Variants in FNTB observed in about 807,000 individuals in gnomAD.
FNTB encodes the protein farnesyltransferase, CAAX box, subunit beta.
FNTB carries 27 observed loss-of-function variants against 59.4 expected under a neutral mutation model. The observed-to-expected ratio is 0.45, with a 90% confidence interval of 0.34 to 0.63. The LOEUF (loss-of-function observed/expected upper bound fraction) is 0.63. Among genes scored for constraint, FNTB ranks in the 20% least tolerant of loss-of-function variants. The pLI, the probability that FNTB is intolerant of heterozygous loss-of-function variation, is 0.02. For synonymous variants in FNTB, 230 were observed against 220.7 expected, an observed-to-expected ratio of 1.04 and a Z score of -0.37; for missense variants, 449 against 559.6, an observed-to-expected ratio of 0.80 and a Z score of 1.99.
Position 65,032,582 on chromosome 14 carries a change from A to G in FNTB, c.606-28A>G, listed in dbSNP as rs1479372074. ...CCTCATTAGCTCTTCCGTAGAGCTTAATGTGTTTCCCGTTTCTGTCTTTCC... is the reference window on the plus strand; with the variant it reads ...CCTCATTAGCTCTTCCGTAGAGCTTGATGTGTTTCCCGTTTCTGTCTTTCC... On this transcript the variant is annotated intron_variant, in intron 6 of 11. Coordinates refer to ENST00000246166, the MANE Select transcript of FNTB (RefSeq NM_002028.4). The surrounding 1 kb of genome is among the most constrained non-coding windows in gnomAD (Gnocchi z 5.0). 1 of 1,611,108 alleles carries G rather than the reference A, an allele frequency of 6.2e-7. No homozygotes were observed. Among genetic ancestry groups the G allele is most frequent in the Non-Finnish European group, 8.5e-7 (1 of 1,179,334 alleles).
Position 65,023,945 on chromosome 14 carries a change from T to C in FNTB, c.375-3508T>C, listed in dbSNP as rs979063897. ...GTGAAACCCTGACTCTACTAAAAAA[T>C]ACAAAAATTAGCTGGGCGTGGCGGC... On this transcript the variant is annotated intron_variant, in intron 4 of 11. Transcript: ENST00000246166. This position sits in a 1 kb window ranked among gnomAD's most constrained non-coding sequence, Gnocchi z 4.1. Among the ~76,000 whole-genome samples, 1 of 151,794 alleles carries C rather than the reference T, an allele frequency of 6.6e-6. No homozygotes were observed. Among genetic ancestry groups the C allele is most frequent in the African/African-American group, 2.4e-5 (1 of 41,328 alleles).
chr14:65,040,196 C>A (rs2062312781), intron 7 of FNTB, among the ~76,000 whole-genome samples: 1 of 151,546 alleles, frequency 6.6e-6, no homozygotes, highest in Non-Finnish European at 1.5e-5. Context: ...AATAAAAGAT[C>A]ACTAGAATCA....
At chr14:64,992,800 TG>T (rs1257920675) in intron 1 of FNTB, among the ~76,000 whole-genome samples, 1 of 152,124 alleles carries the variant, frequency 6.6e-6, no homozygotes, top group Non-Finnish European at 1.5e-5. Flanking sequence ...TATATATTTG[TG>T]GTCACTGCAA....
At chr14:65,039,931 G>A (rs72728261) in intron 7 of FNTB, among the ~76,000 whole-genome samples, 13,568 of 152,266 alleles carry the variant, frequency 0.089, 844 homozygotes, top group Admixed American at 0.16. Context: ...GCCCATGCCT[G>A]TCATCCCAAC....
At chr14:65,034,188 T>G (rs1230844996) in intron 7 of FNTB, among the ~76,000 whole-genome samples, 1 of 152,194 alleles carries the variant, frequency 6.6e-6, no homozygotes, top group Non-Finnish European at 1.5e-5. Flanking sequence ...GAGTTGCCCC[T>G]TCTGGAGCCC....
rs746797536 is a variant in FNTB at position 65,007,035 on chromosome 14, G to A, written c.209+2722G>A. ...AGTTTCAGGAATTTCACAATTACCC[G>A]TTTTTATCATTGTTGCCTATGAAAT... On this transcript the variant is annotated intron_variant, in intron 2 of 11. Coordinates refer to ENST00000246166, the MANE Select transcript of FNTB (RefSeq NM_002028.4). The surrounding 1 kb of genome is among the most constrained non-coding windows in gnomAD (Gnocchi z 4.9). Among the ~76,000 whole-genome samples the A allele has an allele frequency of 9.2e-5, 14 of 152,230 alleles. No homozygotes were observed. In the East Asian group the frequency reaches 9.6e-4, roughly 10 times the overall value.
At chr14:65,043,828 CAAAAAAAAAAAAAAAAAAAA>C (rs749243788) in intron 8 of FNTB, among the ~76,000 whole-genome samples, 46 of 64,244 alleles carry the variant, frequency 7.2e-4, no homozygotes, top group Non-Finnish European at 1.3e-3. Context: ...GACTCCGTCT[CAAAAAAAAAAAAAAAAAAAA>C]AAAAAAAAAA....
chr14:65,043,343 G>T (rs1566568131), intron 8 of FNTB, among the ~76,000 whole-genome samples: 1 of 152,180 alleles, frequency 6.6e-6, no homozygotes, highest in Non-Finnish European at 1.5e-5. Context: ...TCAAGACCAA[G>T]ACCTATTTTA....
intron 11 of FNTB, 86 bp from the exon 12 acceptor site, chr14:65,061,095 A>G: frequency 1.9e-6 from 3 of 1,556,894 alleles, no homozygotes; most frequent in Non-Finnish European, 2.6e-6. Flanking sequence ...CTAAATTCTT[A>G]GAAGTGCCTT....
chr14:65,036,685 G>A (rs981938614), intron 7 of FNTB, among the ~76,000 whole-genome samples: 6 of 149,974 alleles, frequency 4.0e-5, no homozygotes, highest in South Asian at 2.1e-4. Context: ...CTTCTTTAGC[G>A]GCTTGGAATC....
Position 65,040,871 on chromosome 14 carries a change from G to A in FNTB, c.774G>A (p.Ala258=), listed in dbSNP as rs760464029. The change falls in exon 8 of 12, where the codon GCG becomes GCA. Residue 258 remains alanine, a synonymous_variant. Coordinates refer to ENST00000246166, the MANE Select transcript of FNTB (RefSeq NM_002028.4). ...GCTATACCTTCTGTGGCCTGGCCGC[G>A]CTGGTAATCCTCAAGAGGGAACGTT... ...HGGYTFCGLA[A]LVILKRERSL... The A allele has an allele frequency of 2.4e-5, 39 of 1,613,876 alleles. 1 individual carries two copies. In the South Asian group the frequency reaches 3.0e-4, roughly 12 times the overall value.
chr14:65,051,817 T>TG (rs1464283613), intron 9 of FNTB, among the ~76,000 whole-genome samples: 1 of 149,486 alleles, frequency 6.7e-6, no homozygotes, highest in Non-Finnish European at 1.5e-5. Flanking sequence ...TTTTTTGAGA[T>TG]GGAGTCTCGC....
In FNTB at chr14:65,011,663, C is replaced by T. The variant is rs2061685414; in HGVS notation, c.210-654C>T. Among the ~76,000 whole-genome samples, 1 of 152,226 alleles carries T rather than the reference C, an allele frequency of 6.6e-6. No homozygotes were observed. The highest frequency in any genetic ancestry group is 2.4e-5 in the African/African-American group (1 of 41,466). On this transcript the variant is annotated intron_variant, in intron 2 of 11. Transcript: ENST00000246166. This position sits in a 1 kb window ranked among gnomAD's most constrained non-coding sequence, Gnocchi z 4.0. Reference sequence around the variant, plus strand: ...CCAAGAAAGAAGTGCAGCCTCTGTGCTTTGCCCGGCCTGTGCAGGTGGCCA... The same window carrying T: ...CCAAGAAAGAAGTGCAGCCTCTGTGTTTTGCCCGGCCTGTGCAGGTGGCCA...
Position 65,012,383 on chromosome 14 carries a change from C to T in FNTB, c.276C>T (p.Ala92=). 6.2e-7 allele frequency: 1 copy of T among 1,614,126 alleles called. No individual in the cohort carries two copies. Among genetic ancestry groups the T allele is most frequent in the East Asian group, 2.2e-5 (1 of 44,874 alleles). Reference sequence around the variant, plus strand: ...GAGGCCTTCGACAACTGACAGATGCCTATGAGGTAAACACATTACCCAGGA... The same window carrying T: ...GAGGCCTTCGACAACTGACAGATGCTTATGAGGTAAACACATTACCCAGGA... ...LKRGLRQLTD[A]YECLDASRPW... is the part of the protein sequence containing the mutation. The change falls in exon 3 of 12, where the codon GCC becomes GCT. Residue 92 remains alanine, a synonymous_variant. Coordinates refer to ENST00000246166, the MANE Select transcript of FNTB (RefSeq NM_002028.4). The surrounding 1 kb of genome is among the most constrained non-coding windows in gnomAD (Gnocchi z 5.0).
rs560634995 is a variant in FNTB, at chr14:65,031,610, C to T, written c.606-1000C>T. On this transcript the variant is annotated intron_variant, in intron 6 of 11. Transcript: ENST00000246166. The surrounding 1 kb of genome is among the most constrained non-coding windows in gnomAD (Gnocchi z 4.6). ...GGATTACAGGCATGAGCAACTGTGC[C>T]CAGCCTAATAATGCTTTTTTAAAAA... Among the ~76,000 whole-genome samples, 2 of 152,208 alleles carry T rather than the reference C, an allele frequency of 1.3e-5. No homozygotes were observed. The highest frequency in any genetic ancestry group is 3.9e-4 in the East Asian group (2 of 5,138).
chr14:65,023,547 C>G lies in FNTB; in HGVS notation c.375-3906C>G, dbSNP rs72728251. ...AACTTTCTGTGATAATGAAAATGTT[C>G]TATATTCTGTAAATGTCTATAGGTG... On this transcript the variant is annotated intron_variant, in intron 4 of 11. Coordinates refer to ENST00000246166, the MANE Select transcript of FNTB (RefSeq NM_002028.4). The surrounding 1 kb of genome is among the most constrained non-coding windows in gnomAD (Gnocchi z 4.1). Among the ~76,000 whole-genome samples, 48 of 152,282 alleles carry G rather than the reference C, an allele frequency of 3.2e-4. 1 individual carries two copies. The highest frequency in any genetic ancestry group is 5.4e-4 in the Non-Finnish European group (37 of 68,026).
At position 65,027,605 on chromosome 14, in the gene FNTB, G is replaced by C; in HGVS notation, c.521+6G>C. 1 of 1,614,178 alleles carries C rather than the reference G, an allele frequency of 6.2e-7. No homozygotes were observed. The highest frequency in any genetic ancestry group is 8.5e-7 in the Non-Finnish European group (1 of 1,180,016). ...GCCTATGACATCATTAACAGGTACA[G>C]TGAAAGCCAGCAGTGACAGAAACCT... On this transcript the variant is annotated splice_donor_region_variant and intron_variant, in intron 5 of 11. Coordinates refer to ENST00000246166, the MANE Select transcript of FNTB (RefSeq NM_002028.4). This position sits in a 1 kb window ranked among gnomAD's most constrained non-coding sequence, Gnocchi z 5.7.
At chr14:65,017,302 A>G (rs1034486297) in intron 4 of FNTB, among the ~76,000 whole-genome samples, 1 of 152,116 alleles carries the variant, frequency 6.6e-6, no homozygotes, top group Non-Finnish European at 1.5e-5. Context: ...CAATCAGGAT[A>G]TTTGGAAAGT....
chr14:65,012,447 T>G lies in FNTB; in HGVS notation c.282+58T>G, dbSNP rs752099699. 785 of 1,607,366 alleles carry G rather than the reference T, an allele frequency of 4.9e-4. 3 individuals are homozygous for G. Among genetic ancestry groups the G allele is most frequent in the Middle Eastern group, 1.3e-3 (8 of 6,066 alleles). On this transcript the variant is annotated intron_variant, in intron 3 of 11. Coordinates refer to ENST00000246166, the MANE Select transcript of FNTB (RefSeq NM_002028.4). This position sits in a 1 kb window ranked among gnomAD's most constrained non-coding sequence, Gnocchi z 5.0. ...AATTATCCACCAAATCCTCCTCCTT[T>G]TTCTATTTAAACGTAAAAGACTGTT... is the stretch of plus-strand genomic sequence containing the variant.
Sources: allele counts gnomAD v4.1 joint callset (sites outside exome capture counted in the v4.1 genomes callset), GRCh38; gene constraint gnomAD v4.1.1; non-coding constraint Gnocchi (gnomAD v3.1); transcripts MANE v1.5; gene names NCBI Gene and HGNC (gene_info 2026-07-23, HGNC 2026-07-21).